The following PTPRM variants were observed in gnomAD, a reference collection of about 807,000 sequenced individuals.
PTPRM encodes the protein protein tyrosine phosphatase receptor type M, also known as receptor-type tyrosine-protein phosphatase mu.
In PTPRM, 47 loss-of-function variants were observed where a neutral mutation model predicts 186.7. That is an observed-to-expected ratio of 0.25 (90% CI 0.20 to 0.32). PTPRM has a LOEUF of 0.32. Ranked by LOEUF, PTPRM falls within the 10% of genes least tolerant of loss-of-function variation. The pLI is 1.00. For missense variants in PTPRM, 1,494 were observed against 1,865.0 expected (o/e 0.80, Z 3.66); for synonymous variants, 668 against 674.9 (o/e 0.99, Z 0.16).
intron 14 of PTPRM, among the ~76,000 whole-genome samples, chr18:8,160,435 C>T (rs1413891573): frequency 6.6e-6 from 1 of 152,088 alleles, no homozygotes; most frequent in Non-Finnish European, 1.5e-5. Context: ...ACATGCGCCA[C>T]CACGCCCAGA....
rs1599227415 is a variant in PTPRM at position 7,877,014 on chromosome 18, G to GTTATT, written c.197-11091_197-11090insTATTT. Among the ~76,000 whole-genome samples the GTTATT allele has an allele frequency of 1.6e-4, 25 of 152,222 alleles. No individual in the cohort carries two copies. The East Asian group carries it at 4.8e-3, about 29-fold the overall frequency. ...TAATATATGTAAAACATTTGGAAGA[G>GTTATT]TGCTCAGCACGTATTAAATATCATG... On this transcript the variant is annotated intron_variant, in intron 2 of 32. Coordinates refer to ENST00000580170, the MANE Select transcript of PTPRM (RefSeq NM_001105244.2).
intron 14 of PTPRM, among the ~76,000 whole-genome samples, chr18:8,240,777 G>GGGGA (rs2094420000): frequency 1.7e-5 from 1 of 57,364 alleles, no homozygotes; most frequent in South Asian, 8.0e-4. Flanking sequence ...AGAGAGAGAG[G>GGGGA]GAGAGAGAGA....
At chr18:8,184,695 T>C (rs557452232) in intron 14 of PTPRM, among the ~76,000 whole-genome samples, 2 of 152,384 alleles carry the variant, frequency 1.3e-5, no homozygotes, top group East Asian at 1.9e-4. Context: ...TGAACAAATA[T>C]CATTTTTAGG....
chr18:8,375,973 C>T, intron 24 of PTPRM, 73 bp from the exon 25 acceptor site: 1 of 1,488,678 alleles, frequency 6.7e-7, no homozygotes, highest in Non-Finnish European at 9.2e-7. Context: ...TTCCACTCCC[C>T]CAGCTATCCC....
intron 14 of PTPRM, among the ~76,000 whole-genome samples, chr18:8,223,025 A>G (rs1410998265): frequency 2.0e-5 from 3 of 152,064 alleles, no homozygotes; most frequent in African/African-American, 7.2e-5. Flanking sequence ...GGAGTTCGAG[A>G]CCAGCCTGGT....
At chr18:7,804,984 A>G (rs957921190) in intron 2 of PTPRM, among the ~76,000 whole-genome samples, 2 of 152,186 alleles carry the variant, frequency 1.3e-5, no homozygotes, top group Non-Finnish European at 1.5e-5. Flanking sequence ...CTTTTCTTTT[A>G]AGGGTACAAT....
intron 1 of PTPRM, among the ~76,000 whole-genome samples, chr18:7,670,886 A>G (rs947887823): frequency 3.9e-5 from 6 of 152,220 alleles, no homozygotes; most frequent in Non-Finnish European, 8.8e-5. Flanking sequence ...GTTGTAATAG[A>G]CACTGAGAAT....
chr18:8,388,490 C>T (rs1329412239), intron 31 of PTPRM, among the ~76,000 whole-genome samples: 1 of 152,176 alleles, frequency 6.6e-6, no homozygotes, highest in African/African-American at 2.4e-5. Context: ...GATCAAAACA[C>T]GATAGTGTCT....
intron 1 of PTPRM, among the ~76,000 whole-genome samples, chr18:7,661,525 C>T (rs1183471754): frequency 1.3e-5 from 2 of 152,210 alleles, no homozygotes; most frequent in Non-Finnish European, 2.9e-5. Context: ...TGTCTCTTGC[C>T]AATTTCCAGG....
chr18:7,773,234 C>CT (rs1275114968), intron 1 of PTPRM, among the ~76,000 whole-genome samples: 8 of 152,048 alleles, frequency 5.3e-5, no homozygotes, highest in Admixed American at 1.3e-4. Context: ...TTTATCATCT[C>CT]TTTTGATTTT....
chr18:8,170,995 G>T (rs545550439), intron 14 of PTPRM, among the ~76,000 whole-genome samples: 2 of 152,196 alleles, frequency 1.3e-5, no homozygotes, highest in Non-Finnish European at 2.9e-5. Context: ...ACAGTCTTCC[G>T]ATGGGGCCTC....
At chr18:8,369,515 A>T (rs1306305309) in intron 23 of PTPRM, among the ~76,000 whole-genome samples, 1 of 152,188 alleles carries the variant, frequency 6.6e-6, no homozygotes, top group African/African-American at 2.4e-5. Context: ...GCGAGAAGGA[A>T]TGGGTTGGTT....
intron 7 of PTPRM, chr18:7,995,870 T>G (rs2083504996): frequency 6.6e-6 from 1 of 152,226 alleles, no homozygotes; most frequent in African/African-American, 2.4e-5. Flanking sequence ...CAAATTGTTT[T>G]GAGAACATGT....
intron 7 of PTPRM, among the ~76,000 whole-genome samples, chr18:7,996,523 A>T (rs189692126): frequency 6.6e-6 from 1 of 152,270 alleles, no homozygotes; most frequent in Admixed American, 6.5e-5. Flanking sequence ...CAACATAGTA[A>T]TGGAAGTCAT....
At chr18:8,227,235 C>G (rs2094224699) in intron 14 of PTPRM, among the ~76,000 whole-genome samples, 1 of 152,140 alleles carries the variant, frequency 6.6e-6, no homozygotes, top group Admixed American at 6.5e-5. Context: ...TTCAGGAGAC[C>G]ATTCTGCCCA....
At chr18:8,244,607 T>C (rs2094461033) in intron 15 of PTPRM, among the ~76,000 whole-genome samples, 1 of 152,234 alleles carries the variant, frequency 6.6e-6, no homozygotes, top group Non-Finnish European at 1.5e-5. Flanking sequence ...AGTAACAAGT[T>C]AATTGTTTAT....
intron 14 of PTPRM, among the ~76,000 whole-genome samples, chr18:8,160,458 T>G (rs1210003351): frequency 6.6e-6 from 1 of 151,474 alleles, no homozygotes; most frequent in African/African-American, 2.4e-5. Context: ...ATTTTGGGGT[T>G]TTGTTGTTGT....
In PTPRM at chr18:8,054,298, A is replaced by ATATATATATATATATATATATATATATAT. The variant is rs1555710874; in HGVS notation, c.1133-15388_1133-15387insTATATATATATATATATATATATATATAT. Among the ~76,000 whole-genome samples the ATATATATATATATATATATATATATATAT allele has an allele frequency of 6.8e-4, 90 of 131,660 alleles. 3 individuals carry two copies. The highest frequency in any genetic ancestry group is 2.9e-3 in the African/African-American group (88 of 30,764). 86.4% of individuals were successfully genotyped at this position (131,660 alleles called of 152,430 possible). Reference sequence around the variant, plus strand: ...AGTAGTAATATATACTAGTAGTAGTAATATATATATATATATATATATATT... The same window carrying ATATATATATATATATATATATATATATAT: ...AGTAGTAATATATACTAGTAGTAGTATATATATATATATATATATATATATATATATATATATATATATATATATATATT... On this transcript the variant is annotated intron_variant, in intron 7 of 32. Transcript: ENST00000580170.
intron 1 of PTPRM, among the ~76,000 whole-genome samples, chr18:7,702,913 C>T (rs371137079): frequency 3.3e-5 from 5 of 150,938 alleles, no homozygotes; most frequent in South Asian, 2.1e-4. Flanking sequence ...TCTGAATATG[C>T]GTAGCCATTT....
Sources: gnomAD v4.1 joint callset for allele counts (sites outside exome capture counted in the v4.1 genomes callset) on GRCh38, gnomAD v4.1.1 for gene constraint, MANE v1.5 for transcripts, NCBI Gene and HGNC (gene_info 2026-07-23, HGNC 2026-07-21) for gene names.